The following ZNF420 variants were observed in gnomAD, a reference collection of about 807,000 sequenced individuals.
ZNF420 encodes the protein ATM and p53-associated KZNF protein.
A neutral mutation model predicts 44.7 loss-of-function variants in ZNF420; 31 were observed. The ratio of observed to expected loss-of-function variants is 0.69; its 90% confidence interval spans 0.52 to 0.94. ZNF420 has a LOEUF of 0.94. Among genes scored for constraint, ZNF420 ranks in the 40% least tolerant of loss-of-function variants. The pLI, the probability that ZNF420 is intolerant of heterozygous loss-of-function variation, is 0.00. For missense variants in ZNF420, 681 were observed against 827.9 expected (o/e 0.82, Z 2.18); for synonymous variants, 245 against 267.4 (o/e 0.92, Z 0.82).
intron 4 of ZNF420, among the ~76,000 whole-genome samples, chr19:37,120,039 AG>A: frequency 6.6e-6 from 1 of 152,218 alleles, no homozygotes; most frequent in Admixed American, 6.5e-5. Context: ...ATTCTACCAG[AG>A]GTACAAGGAG....
At chr19:37,008,737 C>T (rs1599587779) in intron 1 of ZNF420, among the ~76,000 whole-genome samples, 2 of 152,340 alleles carry the variant, frequency 1.3e-5, no homozygotes, top group East Asian at 3.9e-4. Flanking sequence ...GTGCCCGTTG[C>T]GGTGGCACTG....
rs146154118 is a variant in ZNF420, at chr19:37,062,413, C to T, written c.-124-17932C>T. Among the ~76,000 whole-genome samples, 1,027 of 152,248 alleles carry T rather than the reference C, an allele frequency of 6.7e-3. 10 individuals are homozygous for T. The highest frequency in any genetic ancestry group is 0.011 in the Admixed American group (165 of 15,294). ...TTTAAAACTTTGCCAAAGTATTTTA[C>T]TTCGTGTCCATGAAAATCTTTTATT... On this transcript the variant is annotated intron_variant, in intron 1 of 4. Coordinates refer to the ZNF420 transcript ENST00000587029.
intron 2 of ZNF420, among the ~76,000 whole-genome samples, chr19:37,081,056 C>CTAA (rs1968421875): frequency 1.3e-5 from 1 of 79,312 alleles, no homozygotes; most frequent in African/African-American, 4.4e-5. Flanking sequence ...GACTCTGTCT[C>CTAA]AAAAAAAAAA....
At chr19:37,113,575 G>GCAGCATCT (rs1300850299) in intron 4 of ZNF420, among the ~76,000 whole-genome samples, 4 of 152,160 alleles carry the variant, frequency 2.6e-5, no homozygotes, top group Non-Finnish European at 5.9e-5. Context: ...TGACTTTTGA[G>GCAGCATCT]CAGCATCTTG....
At chr19:37,073,762 A>G (rs896649716), upstream of ZNF420, among the ~76,000 whole-genome samples, 11 of 151,470 alleles carry the variant, frequency 7.3e-5, no homozygotes, top group East Asian at 1.9e-4. Flanking sequence ...AAAAAAAAAA[A>G]AAAAGAAAAG....
intron 4 of ZNF420, among the ~76,000 whole-genome samples, chr19:37,117,178 G>A (rs1196148937): frequency 3.3e-5 from 5 of 152,246 alleles, no homozygotes; most frequent in South Asian, 2.1e-4. Flanking sequence ...CCTGACCCCC[G>A]AGCAGCCTAA....
intron 1 of ZNF420, among the ~76,000 whole-genome samples, chr19:37,055,485 C>G (rs548779012): frequency 2.0e-5 from 3 of 152,200 alleles, no homozygotes; most frequent in Non-Finnish European, 2.9e-5. Context: ...CAACAACGCC[C>G]GCTACTCCAT....
chr19:37,089,002 A>G, intron 2 of ZNF420, 37 bp from the exon 3 acceptor site: 1 of 898,454 alleles, frequency 1.1e-6, no homozygotes, highest in Non-Finnish European at 1.8e-6. Flanking sequence ...TACTTTGCAA[A>G]ACACCTGGTC....
At chr19:37,118,120 G>C (rs1236014310) in intron 4 of ZNF420, among the ~76,000 whole-genome samples, 2 of 152,074 alleles carry the variant, frequency 1.3e-5, no homozygotes, top group Non-Finnish European at 2.9e-5. Flanking sequence ...GAAATACAGA[G>C]AACGCCACAA....
chr19:37,057,844 G>T lies in ZNF420; in HGVS notation c.-124-22501G>T, dbSNP rs541786307. On this transcript the variant is annotated intron_variant, in intron 1 of 4. Transcript: ENST00000587029. The stretch of plus-strand genomic sequence containing the variant: ...GGAGGGGAGCAGACCGATGTCAAAG[G>T]AGATGGTTGTATCTCCTCGCGGCTT... Among the ~76,000 whole-genome samples the T allele has an allele frequency of 2.0e-5, 3 of 152,290 alleles. No individual in the cohort carries two copies. The East Asian group carries it at 5.8e-4, about 29-fold the overall frequency.
chr19:37,012,118 G>A (rs1193926765), intron 1 of ZNF420, among the ~76,000 whole-genome samples: 1 of 152,184 alleles, frequency 6.6e-6, no homozygotes, highest in African/African-American at 2.4e-5. Context: ...GCGCCCTGAA[G>A]CTCCTCCTCC....
intron 1 of ZNF420, among the ~76,000 whole-genome samples, chr19:37,018,029 C>CA (rs936621195): frequency 1.3e-4 from 19 of 151,256 alleles, no homozygotes; most frequent in South Asian, 4.2e-4. Flanking sequence ...CTGAAGAACA[C>CA]AAAAAAAAGA....
chr19:37,101,194 T>G (rs892990493), intron 4 of ZNF420, among the ~76,000 whole-genome samples: 2 of 152,112 alleles, frequency 1.3e-5, no homozygotes, highest in Non-Finnish European at 2.9e-5. Context: ...CACTGAGCAA[T>G]TTATTCAAGA....
At chr19:37,018,639 C>T (rs1290000947) in intron 1 of ZNF420, among the ~76,000 whole-genome samples, 3 of 152,216 alleles carry the variant, frequency 2.0e-5, no homozygotes, top group Non-Finnish European at 4.4e-5. Context: ...ATGATCTTAG[C>T]TCACTGCAAC....
upstream of ZNF420, among the ~76,000 whole-genome samples, chr19:37,073,492 A>G (rs1345340000): frequency 1.3e-5 from 2 of 152,272 alleles, no homozygotes; most frequent in East Asian, 3.9e-4. Context: ...TAATCCCAAC[A>G]CTTTGGGAGG....
chr19:37,120,572 G>A (rs1970972868), intron 4 of ZNF420, among the ~76,000 whole-genome samples: 1 of 152,222 alleles, frequency 6.6e-6, no homozygotes, highest in Admixed American at 6.5e-5. Context: ...ACAAGACAGA[G>A]ATGCCCTCTC....
intron 4 of ZNF420, among the ~76,000 whole-genome samples, chr19:37,123,924 T>C (rs926689806): frequency 6.6e-6 from 1 of 152,116 alleles, no homozygotes; most frequent in Non-Finnish European, 1.5e-5. Flanking sequence ...TTGTCTATAT[T>C]TTTAAAAGGA....
chr19:37,083,232 G>T (rs993453035), intron 2 of ZNF420, among the ~76,000 whole-genome samples: 2 of 151,812 alleles, frequency 1.3e-5, no homozygotes, highest in Admixed American at 6.6e-5. Flanking sequence ...CTGAAGTAGG[G>T]CATAGTATCT....
At chr19:37,072,791 TAAC>T (rs1205325032) in intron 1 of ZNF420, among the ~76,000 whole-genome samples, 1 of 152,234 alleles carries the variant, frequency 6.6e-6, no homozygotes, top group Non-Finnish European at 1.5e-5. Context: ...TACATCATAT[TAAC>T]AAATTTTAAT....
Sources: allele counts gnomAD v4.1 joint callset (sites outside exome capture counted in the v4.1 genomes callset), GRCh38; gene constraint gnomAD v4.1.1; transcripts MANE v1.5; gene names NCBI Gene and HGNC (gene_info 2026-07-23, HGNC 2026-07-21).